GALNT14: variants seen among roughly 807,000 people sequenced by gnomAD.
GALNT14 encodes the protein polypeptide N-acetylgalactosaminyltransferase 14.
GALNT14 carries 60 observed loss-of-function variants against 77.5 expected under a neutral mutation model. The observed-to-expected ratio is 0.77, with a 90% CI of 0.63 to 0.96. The LOEUF is 0.96. Among genes scored for constraint, GALNT14 ranks in the 40% least tolerant of loss-of-function variants. The probability of loss-of-function intolerance (pLI) is 0.00; values close to 1 mark genes in which losing one functional copy is unlikely to be tolerated. For synonymous variants in GALNT14, 280 were observed against 281.7 expected (o/e 0.99, Z 0.06); for missense variants, 710 against 731.0 (o/e 0.97, Z 0.33).
intron 1 of GALNT14, among the ~76,000 whole-genome samples, chr2:31,076,096 T>A (rs546426776): frequency 3.3e-5 from 5 of 152,170 alleles, no homozygotes; most frequent in African/African-American, 4.8e-5. Context: ...CCACTGTGTA[T>A]AGATAACAGC....
intron 1 of GALNT14, chr2:31,129,576 T>A: frequency 1.0e-6 from 1 of 985,316 alleles, no homozygotes; most frequent in South Asian, 4.7e-5. Flanking sequence ...CTCCCTGAGA[T>A]CCTAGGAAAC....
At chr2:30,973,413 C>T (rs932114067) in intron 2 of GALNT14, among the ~76,000 whole-genome samples, 5 of 152,224 alleles carry the variant, frequency 3.3e-5, no homozygotes, top group African/African-American at 1.2e-4. Flanking sequence ...ATGACCTTTC[C>T]AGAACGTCAG....
At chr2:31,100,295 C>T (rs979850201) in intron 1 of GALNT14, among the ~76,000 whole-genome samples, 1 of 151,940 alleles carries the variant, frequency 6.6e-6, no homozygotes, top group African/African-American at 2.4e-5. Context: ...AGTTTTGTTA[C>T]ATGTCATTTT....
intron 1 of GALNT14, among the ~76,000 whole-genome samples, chr2:31,011,928 C>T (rs1229594630): frequency 6.6e-6 from 1 of 152,204 alleles, no homozygotes; most frequent in Non-Finnish European, 1.5e-5. Flanking sequence ...CTCCAGAGAT[C>T]CACAGCACTG....
chr2:30,914,620 C>T (rs1408499514), intron 13 of GALNT14, among the ~76,000 whole-genome samples: 1 of 152,194 alleles, frequency 6.6e-6, no homozygotes, highest in Non-Finnish European at 1.5e-5. Flanking sequence ...CCATAGGATA[C>T]ACACAGTGCT....
At chr2:31,044,566 G>T (rs1673307616) in intron 1 of GALNT14, among the ~76,000 whole-genome samples, 1 of 152,140 alleles carries the variant, frequency 6.6e-6, no homozygotes, top group Non-Finnish European at 1.5e-5. Flanking sequence ...GATTCTTCTA[G>T]AAATTACATA....
intron 1 of GALNT14, among the ~76,000 whole-genome samples, chr2:31,105,082 A>C (rs1677488152): frequency 6.6e-6 from 1 of 152,132 alleles, no homozygotes; most frequent in Admixed American, 6.5e-5. Context: ...TACATTTATC[A>C]GTTGTCATTT....
At chr2:31,057,366 G>A (rs924921076) in intron 1 of GALNT14, among the ~76,000 whole-genome samples, 23 of 84,822 alleles carry the variant, frequency 2.7e-4, no homozygotes, top group Non-Finnish European at 4.6e-4. Flanking sequence ...GTGTGTGTGT[G>A]TGTGTGTGTA....
At chr2:31,053,195 C>T (rs541997752) in intron 1 of GALNT14, among the ~76,000 whole-genome samples, 1 of 152,258 alleles carries the variant, frequency 6.6e-6, no homozygotes, top group East Asian at 1.9e-4. Flanking sequence ...TCTTCAAGGC[C>T]CGGGACCTGC....
chr2:31,114,853 T>C (rs866364580), intron 1 of GALNT14: 1 of 715,556 alleles, frequency 1.4e-6, no homozygotes, highest in Non-Finnish European at 2.6e-6. Context: ...AAGGAGAAAA[T>C]GTCATGAGCT....
chr2:30,945,958 C>T lies in GALNT14; in HGVS notation c.655-88G>A, dbSNP rs1256154559. On this transcript the variant is annotated intron_variant, in intron 6 of 14. Coordinates refer to ENST00000349752, the MANE Select transcript of GALNT14 (RefSeq NM_024572.4). ...TGGGATGGCCTCGTGAGGGTAGGGC[C>T]AGAGATGAGTTTTGTGGCCTTCATA... 5 of 1,061,320 alleles carry T rather than the reference C, an allele frequency of 4.7e-6. No homozygotes were observed. In the African/African-American group the frequency reaches 7.8e-5, roughly 17 times the overall value. The allele number at this position is 1,061,320 out of a possible 1,614,324, so 65.7% of individuals were successfully genotyped here.
At chr2:30,947,445 T>C (rs1372196976) in intron 6 of GALNT14, among the ~76,000 whole-genome samples, 1 of 152,194 alleles carries the variant, frequency 6.6e-6, no homozygotes, top group East Asian at 1.9e-4. Flanking sequence ...CACCAGCTTC[T>C]TGGAGCCATC....
At chr2:31,051,378 G>A (rs766375863) in intron 1 of GALNT14, among the ~76,000 whole-genome samples, 8 of 152,174 alleles carry the variant, frequency 5.3e-5, no homozygotes, top group Non-Finnish European at 8.8e-5. Flanking sequence ...TAATATGGGT[G>A]GGCCTCACCC....
intron 11 of GALNT14, among the ~76,000 whole-genome samples, chr2:30,928,196 G>A (rs1453907325): frequency 2.0e-5 from 3 of 152,136 alleles, no homozygotes; most frequent in African/African-American, 7.2e-5. Context: ...AATCATTTTG[G>A]TGGGTTCTGA....
chr2:30,905,092 A>C, the GALNT14 span, among the ~76,000 whole-genome samples: 1 of 152,244 alleles, frequency 6.6e-6, no homozygotes, highest in South Asian at 2.1e-4. Flanking sequence ...AAAAGTAAAT[A>C]AAACCACAAA....
chr2:30,930,693 A>G (rs1665672324), intron 10 of GALNT14, among the ~76,000 whole-genome samples: 2 of 152,364 alleles, frequency 1.3e-5, no homozygotes, highest in African/African-American at 4.8e-5. Flanking sequence ...GAGCAGAAGC[A>G]TTCAAGAGAG....
At chr2:30,938,390 T>A (rs200276072) in intron 9 of GALNT14, among the ~76,000 whole-genome samples, 2,571 of 120,086 alleles carry the variant, frequency 0.021, 34 homozygotes, top group African/African-American at 0.022. Context: ...ACACACTCTC[T>A]CTCTCTCTCT....
chr2:31,025,729 T>C (rs895191007), intron 1 of GALNT14, among the ~76,000 whole-genome samples: 1 of 152,154 alleles, frequency 6.6e-6, no homozygotes, highest in Non-Finnish European at 1.5e-5. Context: ...CAACAGGGTA[T>C]GGGTGTACAG....
At chr2:31,018,932 G>A (rs1159593728) in intron 1 of GALNT14, among the ~76,000 whole-genome samples, 1 of 152,188 alleles carries the variant, frequency 6.6e-6, no homozygotes, top group Non-Finnish European at 1.5e-5. Flanking sequence ...CATTAGACAA[G>A]AGAATGAATG....
Sources: gnomAD v4.1 joint callset for allele counts (sites outside exome capture counted in the v4.1 genomes callset) on GRCh38, gnomAD v4.1.1 for gene constraint, MANE v1.5 for transcripts, NCBI Gene and HGNC (gene_info 2026-07-23, HGNC 2026-07-21) for gene names.